Variants in HDAC4 observed in about 807,000 individuals in gnomAD.
HDAC4 encodes the protein histone deacetylase 4.
HDAC4 carries 16 observed loss-of-function variants against 135.1 expected under a neutral mutation model. The ratio of observed to expected loss-of-function variants is 0.12; its 90% CI spans 0.08 to 0.18. The LOEUF (loss-of-function observed/expected upper bound fraction) is 0.18. Ranked by LOEUF, HDAC4 falls within the 10% of genes least tolerant of loss-of-function variation. The probability of loss-of-function intolerance (pLI) is 1.00; values close to 1 mark genes in which losing one functional copy is unlikely to be tolerated. For synonymous variants in HDAC4, 685 were observed against 653.4 expected, an observed-to-expected ratio of 1.05 and a Z score of -0.74; for missense variants, 1,143 against 1,511.8, an observed-to-expected ratio of 0.76 and a Z score of 4.05.
chr2:239,273,577 G>T (rs576003637), intron 2 of HDAC4, among the ~76,000 whole-genome samples: 3 of 152,142 alleles, frequency 2.0e-5, no homozygotes, highest in African/African-American at 7.2e-5. Flanking sequence ...TTCAGGACCC[G>T]CTCATCACCC....
chr2:239,382,803 C>A (rs1445401701), intron 1 of HDAC4, among the ~76,000 whole-genome samples: 2 of 152,080 alleles, frequency 1.3e-5, no homozygotes, highest in African/African-American at 4.8e-5. Flanking sequence ...CGGCTCACTG[C>A]AACCTCAGCC....
Position 239,367,759 on chromosome 2 carries a change from C to T in HDAC4, c.-219-14841G>A, listed in dbSNP as rs150482977. Among the ~76,000 whole-genome samples the T allele has an allele frequency of 2.8e-3, 429 of 152,134 alleles. 1 individual carries two copies. Among genetic ancestry groups the T allele is most frequent in the Middle Eastern group, 0.01 (3 of 294 alleles). On this transcript the variant is annotated intron_variant, in intron 1 of 26. Coordinates refer to ENST00000543185, the MANE Select transcript of HDAC4 (RefSeq NM_001378414.1). ...TCTCAGCACTTTGGGAGGCTGAGGC[C>T]GGTGGATCACCTGAGGTAAGCCTGG...
At chr2:239,295,221 G>A (rs1157091445) in intron 2 of HDAC4, among the ~76,000 whole-genome samples, 2 of 147,366 alleles carry the variant, frequency 1.4e-5, no homozygotes, top group Admixed American at 1.4e-4. Context: ...GCAGGAGAAT[G>A]GCGTGAACCC....
chr2:239,329,875 G>A (rs1459534550), intron 2 of HDAC4, among the ~76,000 whole-genome samples: 1 of 151,964 alleles, frequency 6.6e-6, no homozygotes, highest in Non-Finnish European at 1.5e-5. Flanking sequence ...CTCAGAGAAG[G>A]GAGCAGAAGC....
chr2:239,159,148 C>G (rs770454193), intron 6 of HDAC4, among the ~76,000 whole-genome samples: 4 of 150,596 alleles, frequency 2.7e-5, no homozygotes, highest in Non-Finnish European at 5.9e-5. Context: ...CACCCAACTA[C>G]TCACACCTGC....
At chr2:239,364,578 G>A (rs1045304207) in intron 1 of HDAC4, among the ~76,000 whole-genome samples, 9 of 152,226 alleles carry the variant, frequency 5.9e-5, no homozygotes, top group Admixed American at 1.3e-4. Flanking sequence ...GGGAACACCT[G>A]CTCCTTGATC....
intron 2 of HDAC4, among the ~76,000 whole-genome samples, chr2:239,251,530 C>T (rs910221298): frequency 1.3e-5 from 2 of 152,158 alleles, no homozygotes; most frequent in African/African-American, 4.8e-5. Context: ...GATCACACCA[C>T]TGCACTACAG....
intron 4 of HDAC4, among the ~76,000 whole-genome samples, chr2:239,183,809 G>A (rs1222445635): frequency 6.6e-6 from 1 of 152,136 alleles, no homozygotes; most frequent in East Asian, 1.9e-4. Flanking sequence ...GCTGCCTCAG[G>A]TGACCAGAAA....
Position 239,313,486 on chromosome 2 carries a change from T to C in HDAC4, c.22+39192A>G, listed in dbSNP as rs895240735. Among the ~76,000 whole-genome samples, 6 of 152,058 alleles carry C rather than the reference T, an allele frequency of 3.9e-5. No homozygotes were observed. The highest frequency in any genetic ancestry group is 1.4e-4 in the African/African-American group (6 of 41,410). ...GGCTGGCCATCCCACCGAGCACTGA[T>C]ACCGCAGGCTGGACTCTTCCTAACC... On this transcript the variant is annotated intron_variant, in intron 2 of 26. Coordinates refer to ENST00000543185, the MANE Select transcript of HDAC4 (RefSeq NM_001378414.1). The surrounding 1 kb of genome is among the most constrained non-coding windows in gnomAD (Gnocchi z 5.1).
chr2:239,126,686 G>A lies in HDAC4; in HGVS notation c.1303C>T (p.Leu435Phe). Residue 435 changes from leucine (L) to phenylalanine (F), a missense_variant, in exon 12 of 27, where the codon CTT (leucine) becomes TTT (phenylalanine). Leu to Phe is a conservative substitution (Grantham distance 22). Around this residue, in one of 9 missense-constraint regions of HDAC4, gnomAD observed 272 missense variants for 309.7 expected, o/e 0.88. Coordinates refer to ENST00000543185, the MANE Select transcript of HDAC4 (RefSeq NM_001378414.1). Reference sequence around the variant, plus strand: ...AGGGGCAGTGCTCCCAGGCCTGAAAGATACCAGTCTGAAGATAATTGGAGG... The same window carrying A: ...AGGGGCAGTGCTCCCAGGCCTGAAAAATACCAGTCTGAAGATAATTGGAGG... ...AQAPLVTDWY[L>F]SGLGALPLHA... 6.2e-7 allele frequency: 1 copy of A among 1,613,772 alleles called. No individual in the cohort carries two copies. Among genetic ancestry groups the A allele is most frequent in the Admixed American group, 1.7e-5 (1 of 60,024 alleles).
At chr2:239,126,192 G>A (rs1206708272) in intron 12 of HDAC4, among the ~76,000 whole-genome samples, 3 of 152,170 alleles carry the variant, frequency 2.0e-5, no homozygotes, top group Non-Finnish European at 2.9e-5. Context: ...GAACTCACAC[G>A]GGCTGGTGGG....
chr2:239,127,924 T>C (rs1480276404), intron 11 of HDAC4, among the ~76,000 whole-genome samples: 2 of 152,244 alleles, frequency 1.3e-5, no homozygotes, highest in African/African-American at 2.4e-5. Flanking sequence ...GTGAGAGCCA[T>C]GCTGCTTAGT....
intron 12 of HDAC4, among the ~76,000 whole-genome samples, chr2:239,117,534 A>G (rs1394622576): frequency 1.4e-5 from 2 of 144,170 alleles, no homozygotes; most frequent in Non-Finnish European, 3.0e-5. Context: ...GGAGTTGAGA[A>G]CAAGAGGGGA....
In HDAC4 at chr2:239,306,552, G is replaced by A. The variant is rs1439151750; in HGVS notation, c.22+46126C>T. 6.6e-6 allele frequency among the ~76,000 whole-genome samples: 1 copy of A among 152,052 alleles called. No homozygotes were observed. The highest frequency in any genetic ancestry group is 2.4e-5 in the African/African-American group (1 of 41,388). ...GACACACTTGTTTCGTACCTTTCCC[G>A]GTCATGATACAAAACATAAGCTGGA... is the stretch of plus-strand genomic sequence containing the variant. On this transcript the variant is annotated intron_variant, in intron 2 of 26. Transcript: ENST00000543185. The surrounding 1 kb of genome is among the most constrained non-coding windows in gnomAD (Gnocchi z 4.5).
intron 2 of HDAC4, among the ~76,000 whole-genome samples, chr2:239,345,498 G>C (rs1692550733): frequency 6.6e-6 from 1 of 151,928 alleles, no homozygotes; most frequent in Non-Finnish European, 1.5e-5. Context: ...AGGAAGCTGA[G>C]GCTGAGGTGC....
chr2:239,102,061 C>T (rs55868072), intron 16 of HDAC4, among the ~76,000 whole-genome samples: 4 of 95,748 alleles, frequency 4.2e-5, no homozygotes, highest in South Asian at 3.4e-4. Flanking sequence ...CCCCCGGCCC[C>T]GGGTCCACGT....
chr2:239,098,834 G>A (rs1431540103), intron 16 of HDAC4, among the ~76,000 whole-genome samples: 1 of 152,222 alleles, frequency 6.6e-6, no homozygotes, highest in African/African-American at 2.4e-5. Flanking sequence ...TCTGGGTTAG[G>A]ACAATTGTCG....
chr2:239,293,135 G>A (rs1465855512), intron 2 of HDAC4, among the ~76,000 whole-genome samples: 1 of 152,180 alleles, frequency 6.6e-6, no homozygotes, highest in Non-Finnish European at 1.5e-5. Flanking sequence ...CTCCAGCTGG[G>A]TCAGTCCTCA....
At chr2:239,120,894 C>A (rs73000108) in intron 12 of HDAC4, among the ~76,000 whole-genome samples, 5 of 151,628 alleles carry the variant, frequency 3.3e-5, no homozygotes, top group Non-Finnish European at 7.4e-5. Context: ...CCAGGCTGAT[C>A]GAGGAAAAGG....
Sources: allele counts gnomAD v4.1 joint callset (sites outside exome capture counted in the v4.1 genomes callset), GRCh38; gene constraint gnomAD v4.1.1; regional missense constraint gnomAD v4.1.1; non-coding constraint Gnocchi (gnomAD v3.1); transcripts MANE v1.5; gene names NCBI Gene and HGNC (gene_info 2026-07-23, HGNC 2026-07-21).